AGO2: variants seen among roughly 807,000 people sequenced by gnomAD.
The protein encoded by AGO2 is protein argonaute-2.
AGO2 carries 5 observed loss-of-function variants against 102.3 expected under a neutral mutation model. That is an observed-to-expected ratio of 0.05 (90% confidence interval 0.03 to 0.10). The LOEUF is 0.10. Among genes scored for constraint, AGO2 ranks in the 10% least tolerant of loss-of-function variants. The pLI, the probability that AGO2 is intolerant of heterozygous loss-of-function variation, is 1.00. For synonymous variants in AGO2, 449 were observed against 473.1 expected (o/e 0.95, Z 0.66); for missense variants, 541 against 1,183.7 (o/e 0.46, Z 7.97).
intron 17 of AGO2, 122 bp from the exon 18 acceptor site, chr8:140,532,737 C>A: frequency 8.8e-7 from 1 of 1,138,164 alleles, no homozygotes; most frequent in Non-Finnish European, 1.2e-6. Flanking sequence ...AGGCTCACGC[C>A]TGTAATCCCA....
intron 1 of AGO2, among the ~76,000 whole-genome samples, chr8:140,629,669 G>A (rs1032450350): frequency 6.6e-5 from 10 of 151,550 alleles, no homozygotes; most frequent in Admixed American, 2.0e-4. Context: ...GGGAAACCCC[G>A]TCTCTCCACA....
At chr8:140,619,407 G>A (rs902140074) in intron 1 of AGO2, among the ~76,000 whole-genome samples, 5 of 152,178 alleles carry the variant, frequency 3.3e-5, no homozygotes, top group African/African-American at 9.7e-5. Flanking sequence ...GAAATAAAAC[G>A]ACAATGCGGC....
intron 1 of AGO2, among the ~76,000 whole-genome samples, chr8:140,590,536 G>A (rs766708158): frequency 8.5e-5 from 13 of 152,198 alleles, no homozygotes; most frequent in Non-Finnish European, 1.5e-4. Context: ...GAAAACAGAC[G>A]CCGAGGAAGC....
Position 140,556,345 on chromosome 8 carries a change from G to A in AGO2, c.1027-59C>T, listed in dbSNP as rs1176550634. On this transcript the variant is annotated intron_variant, in intron 8 of 18. Transcript: ENST00000220592. ...CCGCACTGGAGTGACCAGGGGAGCA[G>A]GCAGGGGGCTCAGGGGCTGGTGGCC... 5.6e-6 allele frequency: 9 copies of A among 1,597,748 alleles called. No homozygotes were observed. In the Admixed American group the frequency reaches 1.5e-4, roughly 27 times the overall value.
Position 140,535,534 on chromosome 8 carries a change from A to C in AGO2, c.2205T>G (p.Thr735=), listed in dbSNP as rs201620861. The change falls in exon 17 of 19, where the codon ACT becomes ACG. Residue 735 remains threonine, a synonymous_variant. Transcript: ENST00000220592. ...GKSGNIPAGT[T]VDTKITHPTE... is the part of the protein sequence containing the mutation. ...TGGGGTGGGTGATTTTCGTGTCCAC[A>C]GTCGTGCCTGCTGGAATGTTTCCAC... 108 of 1,614,120 alleles carry C rather than the reference A, an allele frequency of 6.7e-5. No individual in the cohort carries two copies. The highest frequency in any genetic ancestry group is 1.9e-5 in the Non-Finnish European group (22 of 1,180,036).
At chr8:140,615,733 A>G (rs1476706324) in intron 1 of AGO2, among the ~76,000 whole-genome samples, 20 of 152,260 alleles carry the variant, frequency 1.3e-4, no homozygotes, top group Admixed American at 1.3e-3. Flanking sequence ...TTGCTTGCTC[A>G]TGCCTGTGGC....
intron 1 of AGO2, among the ~76,000 whole-genome samples, chr8:140,626,279 C>T (rs940876997): frequency 5.3e-5 from 8 of 152,214 alleles, no homozygotes; most frequent in African/African-American, 1.2e-4. Flanking sequence ...CTCTCAAGGC[C>T]GCTGTGGACA....
At position 140,530,038 on chromosome 8, in the gene AGO2, A is replaced by C. The variant is rs2072562647; in HGVS notation, c.*2006T>G. 6.6e-6 allele frequency: 1 copy of C among 152,176 alleles called. No homozygotes were observed. The highest frequency in any genetic ancestry group is 6.5e-5 in the Admixed American group (1 of 15,280). The allele number at this position is 152,176 out of a possible 1,614,324, so 9.4% of individuals were successfully genotyped here. A position where few individuals can be genotyped will look rare whatever the true frequency, so the allele number is the denominator to read the frequency against. ...AGAAAGTGCCACTTGCCACTAAAAC[A>C]AAAGGAACTGCCATTTCTTAGAGTG... is the stretch of plus-strand genomic sequence containing the variant. On this transcript the variant is annotated 3_prime_UTR_variant, in exon 19 of 19. Coordinates refer to ENST00000220592, the MANE Select transcript of AGO2 (RefSeq NM_012154.5).
upstream of AGO2, among the ~76,000 whole-genome samples, chr8:140,640,287 G>T (rs1457937731): frequency 6.6e-6 from 1 of 152,168 alleles, no homozygotes; most frequent in African/African-American, 2.4e-5. Flanking sequence ...TGGGATTACA[G>T]GCGTGAGCCA....
intron 2 of AGO2, among the ~76,000 whole-genome samples, chr8:140,578,488 G>A (rs920104299): frequency 5.9e-5 from 9 of 152,164 alleles, no homozygotes; most frequent in East Asian, 3.9e-4. Flanking sequence ...CCCTGCTCGC[G>A]GAGTCCCTGA....
intron 1 of AGO2, among the ~76,000 whole-genome samples, chr8:140,595,691 T>C (rs1188351090): frequency 7.5e-6 from 1 of 134,212 alleles, no homozygotes; most frequent in Non-Finnish European, 1.6e-5. Flanking sequence ...GCATATAAAA[T>C]ATATATAATT....
chr8:140,553,546 A>G lies in AGO2; in HGVS notation c.1270-2110T>C, dbSNP rs898191942. On this transcript the variant is annotated intron_variant, in intron 10 of 18. Transcript: ENST00000220592. ...TGACTCAGCCTCCCGAGTAGCTGGGATTACAGGCATAGGCCACCACACCCA... is the reference window on the plus strand; with the variant it reads ...TGACTCAGCCTCCCGAGTAGCTGGGGTTACAGGCATAGGCCACCACACCCA... Among the ~76,000 whole-genome samples, 6 of 150,660 alleles carry G rather than the reference A, an allele frequency of 4.0e-5. No homozygotes were observed. In the Admixed American group the frequency reaches 4.0e-4, roughly 10 times the overall value.
chr8:140,575,094 A>G (rs1271034675), intron 2 of AGO2, among the ~76,000 whole-genome samples: 2 of 151,862 alleles, frequency 1.3e-5, no homozygotes, highest in African/African-American at 4.8e-5. Flanking sequence ...TCTCAGTGAC[A>G]TCTTTGAGGG....
intron 1 of AGO2, among the ~76,000 whole-genome samples, chr8:140,599,615 C>G (rs765574158): frequency 6.6e-6 from 1 of 152,192 alleles, no homozygotes; most frequent in Non-Finnish European, 1.5e-5. Flanking sequence ...CACGCTCACC[C>G]GGGGTGCTCA....
chr8:140,544,015 C>A (rs2072847369), intron 14 of AGO2, among the ~76,000 whole-genome samples, 198 bp downstream of exon 14: 1 of 152,212 alleles, frequency 6.6e-6, no homozygotes, highest in Admixed American at 6.5e-5. Flanking sequence ...CCTCTGACTG[C>A]TTCTTAGAAC....
At chr8:140,638,994 C>T (rs1437749003), upstream of AGO2, among the ~76,000 whole-genome samples, 1 of 152,188 alleles carries the variant, frequency 6.6e-6, no homozygotes, top group East Asian at 1.9e-4. Context: ...CCTCCTACCT[C>T]AGCCTCCCAA....
At chr8:140,603,521 C>G (rs137912521) in intron 1 of AGO2, among the ~76,000 whole-genome samples, 56 of 152,320 alleles carry the variant, frequency 3.7e-4, no homozygotes, top group African/African-American at 1.3e-3. Flanking sequence ...CCCGCTAAGC[C>G]ATCACACCCC....
At chr8:140,555,774 G>A in intron 10 of AGO2, 122 bp downstream of exon 10, 1 of 1,362,566 alleles carries the variant, frequency 7.3e-7, no homozygotes, top group Non-Finnish European at 9.7e-7. Context: ...TCAGCCGGGA[G>A]TAGAAAGGAT....
intron 10 of AGO2, 68 bp from the exon 11 acceptor site, chr8:140,551,504 T>C: frequency 7.2e-7 from 1 of 1,391,632 alleles, no homozygotes; most frequent in Non-Finnish European, 9.4e-7. Context: ...TTAGACTTTG[T>C]CACTCTCACT....
Sources: allele counts gnomAD v4.1 joint callset (sites outside exome capture counted in the v4.1 genomes callset), GRCh38; gene constraint gnomAD v4.1.1; transcripts MANE v1.5; gene names NCBI Gene and HGNC (gene_info 2026-07-23, HGNC 2026-07-21).